The following ARHGAP20 variants were observed in gnomAD, a reference collection of about 807,000 sequenced individuals.
ARHGAP20 encodes the protein Rho GTPase activating protein 20, also known as rho GTPase-activating protein 20.
Under a neutral mutation model 73.7 loss-of-function variants are expected in ARHGAP20, and 34 were observed. That is an observed-to-expected ratio of 0.46 (90% confidence interval 0.35 to 0.61). The LOEUF is 0.61. Among genes scored for constraint, ARHGAP20 ranks in the 20% least tolerant of loss-of-function variants. The pLI is 0.00. For missense variants in ARHGAP20, 1,314 were observed against 1,420.9 expected (o/e 0.92, Z 1.21); for synonymous variants, 523 against 518.2 (o/e 1.01, Z -0.13).
intron 2 of ARHGAP20, among the ~76,000 whole-genome samples, chr11:110,648,169 GTAAATATATAT>G (rs1949241724): frequency 1.5e-5 from 1 of 68,368 alleles, no homozygotes; most frequent in South Asian, 6.4e-4. Flanking sequence ...ATATATATAT[GTAAATATATAT>G]ATATATATGT....
In ARHGAP20 at chr11:110,712,419, G is replaced by A. The variant is rs1950688526; in HGVS notation, c.-188C>T. 3 of 296,872 alleles carry A rather than the reference G, an allele frequency of 1.0e-5. No individual in the cohort carries two copies. In the South Asian group the frequency reaches 4.6e-4, roughly 45 times the overall value. 18.4% of individuals were successfully genotyped at this position (296,872 alleles called of 1,614,324 possible). A position where few individuals can be genotyped will look rare whatever the true frequency, so the allele number is the denominator to read the frequency against. Reference sequence around the variant, plus strand: ...TGTACCTCCGCCTGCGCTCGACACCGCGGGCTGGAGGCGAGTGCAGCGGCG... The same window carrying A: ...TGTACCTCCGCCTGCGCTCGACACCACGGGCTGGAGGCGAGTGCAGCGGCG... On this transcript the variant is annotated 5_prime_UTR_variant, in exon 1 of 15. Coordinates refer to ENST00000683387, the MANE Select transcript of ARHGAP20 (RefSeq NM_001384657.1).
At position 110,577,206 on chromosome 11, in the gene ARHGAP20, C is replaced by A. The variant is rs1283835965; in HGVS notation, c.*2164G>T. ...CATAACATATGGTAGTAAAATTTGT[C>A]AAGATATATTATACAAACTCAAAGC... On this transcript the variant is annotated 3_prime_UTR_variant, in exon 15 of 15. Coordinates refer to ENST00000683387, the MANE Select transcript of ARHGAP20 (RefSeq NM_001384657.1). The A allele has an allele frequency of 2.1e-5, 32 of 1,521,772 alleles. No homozygotes were observed. The highest frequency in any genetic ancestry group is 2.7e-5 in the Non-Finnish European group (31 of 1,138,598). The allele number at this position is 1,521,772 out of a possible 1,614,324, so 94.3% of individuals were successfully genotyped here. A position where few individuals can be genotyped will look rare whatever the true frequency, so the allele number is the denominator to read the frequency against.
At chr11:110,612,423 A>G (rs1302507112) in intron 6 of ARHGAP20, among the ~76,000 whole-genome samples, 2 of 151,568 alleles carry the variant, frequency 1.3e-5, no homozygotes, top group African/African-American at 2.4e-5. Flanking sequence ...GCGAGACTCC[A>G]TCTCAAAAAA....
chr11:110,602,087 A>G (rs1431139932), intron 9 of ARHGAP20, among the ~76,000 whole-genome samples: 1 of 152,126 alleles, frequency 6.6e-6, no homozygotes, highest in Non-Finnish European at 1.5e-5. Context: ...TCAATAGCAG[A>G]GTTAAGTAGC....
At chr11:110,626,844 T>C (rs1362389535) in intron 3 of ARHGAP20, among the ~76,000 whole-genome samples, 2 of 152,188 alleles carry the variant, frequency 1.3e-5, no homozygotes, top group Admixed American at 1.3e-4. Flanking sequence ...ATGGACTAGT[T>C]TGAAAATATT....
At chr11:110,690,459 A>G in intron 2 of ARHGAP20, 88 bp downstream of exon 2, 2 of 1,304,156 alleles carry the variant, frequency 1.5e-6, no homozygotes, top group Non-Finnish European at 2.2e-6. Flanking sequence ...ACCTCTACAC[A>G]TTAAAGAATA....
intron 2 of ARHGAP20, among the ~76,000 whole-genome samples, chr11:110,646,761 A>G (rs1226677879): frequency 1.3e-5 from 2 of 152,114 alleles, no homozygotes; most frequent in Non-Finnish European, 2.9e-5. Flanking sequence ...CCTACAGTAC[A>G]TGAAGCACTA....
Position 110,579,632 on chromosome 11 carries a change from T to G in ARHGAP20, c.3314A>C (p.Gln1105Pro). 2 of 1,614,218 alleles carry G rather than the reference T, an allele frequency of 1.2e-6. No individual in the cohort carries two copies. The highest frequency in any genetic ancestry group is 1.7e-6 in the Non-Finnish European group (2 of 1,180,042). ...AGAAGAACTACACCTTTGGGCTGAC[T>G]GCACAGGGGACAGTCCTTCAGCTGC... ...LRAAEGLSPV[Q>P]SAQRCSSSPF... is the part of the protein sequence containing the mutation. The change falls in exon 15 of 15, where the codon CAG becomes CCG. Residue 1105 changes from glutamine to proline, a missense_variant. Gln to Pro is a moderately conservative substitution (Grantham distance 76). This residue lies in a region of ARHGAP20 where 641 missense variants were observed against 636.9 expected (regional missense o/e 1.01). Coordinates refer to ENST00000683387, the MANE Select transcript of ARHGAP20 (RefSeq NM_001384657.1).
In ARHGAP20 at chr11:110,578,054, T is replaced by G; in HGVS notation, c.*1316A>C. The G allele has an allele frequency of 1.0e-6, 1 of 985,398 alleles. No homozygotes were observed. 61.0% of individuals were successfully genotyped at this position (985,398 alleles called of 1,614,324 possible). A position where few individuals can be genotyped will look rare whatever the true frequency, so the allele number is the denominator to read the frequency against. ...AATGTGAAAGAAGATGCACATCCAT[T>G]TTTAGTGCCATCCCTGCATACTAGT... On this transcript the variant is annotated 3_prime_UTR_variant, in exon 15 of 15. Transcript: ENST00000683387.
In ARHGAP20 at chr11:110,630,724, A is replaced by G. The variant is rs1279391511; in HGVS notation, c.257T>C (p.Leu86Pro). ...GAGTTCTGCCCGGCCATCAATCAGC[A>G]GAGTCCTATTGGAGCACACTAATGA... ...LSSLVCSNRT[L>P]LIDGRAELKR... The change falls in exon 3 of 15, where the codon CTG (leucine) becomes CCG (proline). Residue 86 changes from leucine to proline, a missense_variant. Around this residue, in one of 3 missense-constraint regions of ARHGAP20, gnomAD observed 443 missense variants for 466.4 expected, o/e 0.95. Transcript: ENST00000683387. The G allele has an allele frequency of 6.2e-7, 1 of 1,614,168 alleles. No individual in the cohort carries two copies. The highest frequency in any genetic ancestry group is 1.7e-5 in the Admixed American group (1 of 60,018).
chr11:110,590,821 C>T lies in ARHGAP20; in HGVS notation c.1144-12G>A. 6.2e-7 allele frequency: 1 copy of T among 1,607,694 alleles called. No individual in the cohort carries two copies. ...AAGAAAAGCATATCCTATGGGGAAG[C>T]AAAGGAAAATAAACAAAATGACACT... is the stretch of plus-strand genomic sequence containing the variant. On this transcript the variant is annotated splice_polypyrimidine_tract_variant and intron_variant, in intron 10 of 14. Coordinates refer to ENST00000683387, the MANE Select transcript of ARHGAP20 (RefSeq NM_001384657.1).
At chr11:110,701,505 G>A (rs1000873180) in intron 1 of ARHGAP20, among the ~76,000 whole-genome samples, 14 of 150,608 alleles carry the variant, frequency 9.3e-5, no homozygotes, top group Non-Finnish European at 1.8e-4. Context: ...TGAGTAGGTT[G>A]CGAAAATTTT....
intron 14 of ARHGAP20, among the ~76,000 whole-genome samples, chr11:110,581,851 G>C (rs542106506): frequency 6.7e-6 from 1 of 149,286 alleles, no homozygotes; most frequent in East Asian, 2.0e-4. Flanking sequence ...CACCTCAAAT[G>C]ATGCTAGTTG....
In ARHGAP20 at chr11:110,712,234, A is replaced by G; in HGVS notation, c.-3T>C. 1 of 1,344,476 alleles carries G rather than the reference A, an allele frequency of 7.4e-7. No homozygotes were observed. The highest frequency in any genetic ancestry group is 1.5e-5 in the African/African-American group (1 of 66,458). The allele number at this position is 1,344,476 out of a possible 1,614,324, so 83.3% of individuals were successfully genotyped here. On this transcript the variant is annotated 5_prime_UTR_variant, in exon 1 of 15. Coordinates refer to ENST00000683387, the MANE Select transcript of ARHGAP20 (RefSeq NM_001384657.1). ...TGCTGGGGGGACATCGCTTCCATGA[A>G]GAAAATCTTCAAACAAATCCCAGCC...
At chr11:110,583,506 G>A in intron 13 of ARHGAP20, 42 bp downstream of exon 13, 1 of 1,464,112 alleles carries the variant, frequency 6.8e-7, no homozygotes. Context: ...TTCAAAACGG[G>A]GACTCAGTCT....
intron 2 of ARHGAP20, among the ~76,000 whole-genome samples, chr11:110,663,232 A>T (rs1048576200): frequency 6.6e-5 from 10 of 151,398 alleles, no homozygotes; most frequent in African/African-American, 2.4e-4. Context: ...TAATAAAGAA[A>T]ATAAATGAAC....
At chr11:110,656,817 G>A (rs949511569) in intron 2 of ARHGAP20, among the ~76,000 whole-genome samples, 3 of 152,182 alleles carry the variant, frequency 2.0e-5, no homozygotes, top group Admixed American at 6.5e-5. Context: ...GAACCCGCAC[G>A]TGAATGTCAA....
intron 2 of ARHGAP20, among the ~76,000 whole-genome samples, chr11:110,666,177 T>C (rs12289662): frequency 0.029 from 4,396 of 152,142 alleles, 191 homozygotes; most frequent in African/African-American, 0.094. Context: ...GTGCAAGACA[T>C]TGAGAACGAT....
At chr11:110,692,927 G>A (rs938162123) in intron 1 of ARHGAP20, among the ~76,000 whole-genome samples, 1 of 151,872 alleles carries the variant, frequency 6.6e-6, no homozygotes, top group South Asian at 2.1e-4. Flanking sequence ...TGCAACTTCA[G>A]GGGTTCAGAA....
Sources: gnomAD v4.1 joint callset for allele counts (sites outside exome capture counted in the v4.1 genomes callset) on GRCh38, gnomAD v4.1.1 for gene constraint, gnomAD v4.1.1 regional missense constraint, MANE v1.5 for transcripts, NCBI Gene and HGNC (gene_info 2026-07-23, HGNC 2026-07-21) for gene names.